The following RLF variants were observed in gnomAD, a reference collection of about 807,000 sequenced individuals.
RLF encodes the protein RLF zinc finger.
Under a neutral mutation model 162.9 loss-of-function variants are expected in RLF, and 7 were observed. The observed-to-expected ratio is 0.04, with a 90% confidence interval of 0.02 to 0.08. RLF has a LOEUF of 0.08. Among genes scored for constraint, RLF ranks in the 10% least tolerant of loss-of-function variants. RLF has a pLI of 1.00. For missense variants in RLF, 1,664 were observed against 2,244.7 expected, an observed-to-expected ratio of 0.74 and a Z score of 5.23; for synonymous variants, 782 against 791.5, an observed-to-expected ratio of 0.99 and a Z score of 0.20.
rs779862130 is a variant in RLF at position 40,238,577 on chromosome 1, G to A, written c.3875G>A (p.Arg1292Gln). Residue 1292 changes from arginine to glutamine, a missense_variant, in exon 8 of 8, where the codon CGA (arginine) becomes CAA (glutamine). This residue lies in a region of RLF where 33 missense variants were observed against 73.3 expected (regional missense o/e 0.45). Coordinates refer to ENST00000372771, the MANE Select transcript of RLF (RefSeq NM_012421.4). The surrounding 1 kb of genome is among the most constrained non-coding windows in gnomAD (Gnocchi z 5.2). ...GGAAGAGAGGGCAGAGGTAGCAGGC[G>A]AACTGTTGCTAAAGGAAATCTGTGT... is the stretch of plus-strand genomic sequence containing the variant. ...QEGREGRGSR[R>Q]TVAKGNLCYI... 1 of 1,613,718 alleles carries A rather than the reference G, an allele frequency of 6.2e-7. No homozygotes were observed. Among genetic ancestry groups the A allele is most frequent in the Non-Finnish European group, 8.5e-7 (1 of 1,180,006 alleles).
Position 40,173,703 on chromosome 1 carries a change from C to T in RLF, c.237+12067C>T, listed in dbSNP as rs1433409646. Among the ~76,000 whole-genome samples the T allele has an allele frequency of 4.6e-5, 7 of 151,770 alleles. 1 individual carries two copies. The highest frequency in any genetic ancestry group is 4.1e-4 in the South Asian group (2 of 4,820). ...TAATTTTTTGTATTTTTAGTAGAGACGAGGTTTTGCCATGTTGGCCAGGCT... is the reference window on the plus strand; with the variant it reads ...TAATTTTTTGTATTTTTAGTAGAGATGAGGTTTTGCCATGTTGGCCAGGCT... On this transcript the variant is annotated intron_variant, in intron 1 of 7. Transcript: ENST00000372771.
intron 3 of RLF, among the ~76,000 whole-genome samples, chr1:40,192,810 T>C (rs1642576750): frequency 6.6e-6 from 1 of 152,178 alleles, no homozygotes. Context: ...GGTAAGAGAA[T>C]AGTTTTTATC....
intron 6 of RLF, among the ~76,000 whole-genome samples, chr1:40,227,774 G>T (rs1186193087): frequency 6.6e-6 from 1 of 152,128 alleles, no homozygotes; most frequent in Non-Finnish European, 1.5e-5. Context: ...GGAGGCCAGG[G>T]CAGGTGGATC....
chr1:40,218,325 G>A (rs1036154293), intron 5 of RLF, among the ~76,000 whole-genome samples: 16 of 152,158 alleles, frequency 1.1e-4, no homozygotes, highest in African/African-American at 3.6e-4. Flanking sequence ...TTGACAAGTG[G>A]ACTGAATTTC....
intron 1 of RLF, among the ~76,000 whole-genome samples, chr1:40,179,455 C>T (rs1397866844): frequency 6.6e-6 from 1 of 152,034 alleles, no homozygotes; most frequent in Non-Finnish European, 1.5e-5. Context: ...ATCCTCCCTG[C>T]CCCCAGCCCC....
intron 1 of RLF, among the ~76,000 whole-genome samples, chr1:40,167,519 C>G (rs527607791): frequency 1.3e-5 from 2 of 152,218 alleles, no homozygotes; most frequent in Admixed American, 1.3e-4. Flanking sequence ...CTAGTGGTTT[C>G]TGTTTCTTCC....
intron 3 of RLF, among the ~76,000 whole-genome samples, chr1:40,194,554 C>T (rs1570534367): frequency 2.0e-5 from 3 of 151,022 alleles, no homozygotes; most frequent in South Asian, 2.1e-4. Flanking sequence ...GCAGGAGAAT[C>T]GCTTGAACCA....
At position 40,166,584 on chromosome 1, in the gene RLF, G is replaced by A. The variant is rs192977770; in HGVS notation, c.237+4948G>A. Among the ~76,000 whole-genome samples the A allele has an allele frequency of 3.1e-3, 469 of 152,090 alleles. 2 individuals carry two copies. Among genetic ancestry groups the A allele is most frequent in the Middle Eastern group, 6.8e-3 (2 of 294 alleles). ...GTTTATTGCAGCACTATTCACAATA[G>A]CAAAGACTTGGAACCAACCCAGATG... On this transcript the variant is annotated intron_variant, in intron 1 of 7. Transcript: ENST00000372771.
At chr1:40,169,955 G>T (rs2124524454) in intron 1 of RLF, among the ~76,000 whole-genome samples, 1 of 152,144 alleles carries the variant, frequency 6.6e-6, no homozygotes, top group South Asian at 2.1e-4. Context: ...CTCCCAAAGT[G>T]CTGGGATTAC....
Position 40,240,758 on chromosome 1 carries a change from A to T in RLF, c.*311A>T. 1 of 267,352 alleles carries T rather than the reference A, an allele frequency of 3.7e-6. No homozygotes were observed. Among genetic ancestry groups the T allele is most frequent in the Non-Finnish European group, 7.2e-6 (1 of 138,742 alleles). 16.6% of individuals were successfully genotyped at this position (267,352 alleles called of 1,614,324 possible). On this transcript the variant is annotated 3_prime_UTR_variant, in exon 8 of 8. Coordinates refer to ENST00000372771, the MANE Select transcript of RLF (RefSeq NM_012421.4). ...TCAAATTAAGTGTGCATGATTGTAT[A>T]TGGAACAAATACTAAGGTCCCAGGG... is the stretch of plus-strand genomic sequence containing the variant.
intron 5 of RLF, among the ~76,000 whole-genome samples, chr1:40,209,017 AC>A (rs1418839179): frequency 6.6e-6 from 1 of 152,114 alleles, no homozygotes; most frequent in African/African-American, 2.4e-5. Context: ...GTCACTGCCA[AC>A]CTTCTGGTTC....
chr1:40,237,436 C>T lies in RLF; in HGVS notation c.2734C>T (p.Leu912=). ...CTCTTCAGCTTCAATGAATGAAGAG[C>T]TAATTGACACACTAGATCACTCTGA... The part of the protein sequence containing the change: ...HSSSASMNEE[L]IDTLDHSETM... Residue 912 remains leucine (L), a synonymous_variant, in exon 8 of 8, where the codon CTA becomes TTA. Transcript: ENST00000372771. This position sits in a 1 kb window ranked among gnomAD's most constrained non-coding sequence, Gnocchi z 4.4. 1 of 1,613,912 alleles carries T rather than the reference C, an allele frequency of 6.2e-7. No individual in the cohort carries two copies. The highest frequency in any genetic ancestry group is 8.5e-7 in the Non-Finnish European group (1 of 1,179,946).
chr1:40,239,948 A>G lies in RLF; in HGVS notation c.5246A>G (p.Asn1749Ser), dbSNP rs780701100. The G allele has an allele frequency of 6.2e-6, 10 of 1,613,592 alleles. No homozygotes were observed. The Admixed American group carries it at 1.7e-4, about 27-fold the overall frequency. The change falls in exon 8 of 8, where the codon AAT becomes AGT. Residue 1749 changes from asparagine to serine, a missense_variant. Around this residue, in one of 15 missense-constraint regions of RLF, gnomAD observed 327 missense variants for 342.7 expected, o/e 0.95. Coordinates refer to ENST00000372771, the MANE Select transcript of RLF (RefSeq NM_012421.4). Reference protein sequence around the residue: ...VKNPTHVPKENFRKHSQPRSF... With the variant: ...VKNPTHVPKESFRKHSQPRSF... Reference sequence around the variant, plus strand: ...AATCCAACCCATGTCCCAAAAGAGAATTTTAGGAAACATTCACAGCCCCGG... The same window carrying G: ...AATCCAACCCATGTCCCAAAAGAGAGTTTTAGGAAACATTCACAGCCCCGG...
chr1:40,165,318 G>A lies in RLF; in HGVS notation c.237+3682G>A, dbSNP rs138677855. The stretch of plus-strand genomic sequence containing the variant: ...AACATGTGATTGCAGTTATTCCTGT[G>A]ATTAAAATTTTGTCTGTAAGTTTCC... On this transcript the variant is annotated intron_variant, in intron 1 of 7. Coordinates refer to ENST00000372771, the MANE Select transcript of RLF (RefSeq NM_012421.4). Among the ~76,000 whole-genome samples, 391 of 152,230 alleles carry A rather than the reference G, an allele frequency of 2.6e-3. 3 individuals carry two copies. The highest frequency in any genetic ancestry group is 1.6e-3 in the Non-Finnish European group (108 of 68,014).
At chr1:40,208,370 A>T (rs541158081) in intron 5 of RLF, among the ~76,000 whole-genome samples, 1 of 152,236 alleles carries the variant, frequency 6.6e-6, no homozygotes, top group Non-Finnish European at 1.5e-5. Context: ...TGATAAAGAA[A>T]TCAAAGGATA....
intron 6 of RLF, among the ~76,000 whole-genome samples, chr1:40,225,052 T>A (rs1643050477): frequency 1.3e-5 from 2 of 152,242 alleles, no homozygotes; most frequent in South Asian, 4.1e-4. Context: ...GAGATAGATC[T>A]TTTGTTATGC....
intron 3 of RLF, 66 bp from the exon 4 acceptor site, chr1:40,195,566 G>T: frequency 1.4e-6 from 2 of 1,389,888 alleles, no homozygotes; most frequent in Non-Finnish European, 2.0e-6. Context: ...TATCAGATAT[G>T]TTGAAAAGGC....
intron 1 of RLF, among the ~76,000 whole-genome samples, chr1:40,182,215 C>T (rs996116945): frequency 2.6e-5 from 4 of 152,056 alleles, no homozygotes; most frequent in African/African-American, 7.2e-5. Flanking sequence ...GAGCAGATCA[C>T]GAGGTCAAGA....
At position 40,165,045 on chromosome 1, in the gene RLF, A is replaced by G. The variant is rs149548770; in HGVS notation, c.237+3409A>G. On this transcript the variant is annotated intron_variant, in intron 1 of 7. Transcript: ENST00000372771. ...TTTCCTTAAACGTTAATTCTTTTGC[A>G]AATGGATAATAGTACTTAAGTTTTG... is the stretch of plus-strand genomic sequence containing the variant. Among the ~76,000 whole-genome samples the G allele has an allele frequency of 4.1e-3, 628 of 152,338 alleles. 6 individuals are homozygous for G. The highest frequency in any genetic ancestry group is 0.015 in the African/African-American group (610 of 41,590).
Sources: allele counts gnomAD v4.1 joint callset (sites outside exome capture counted in the v4.1 genomes callset), GRCh38; gene constraint gnomAD v4.1.1; regional missense constraint gnomAD v4.1.1; non-coding constraint Gnocchi (gnomAD v3.1); transcripts MANE v1.5; gene names NCBI Gene and HGNC (gene_info 2026-07-23, HGNC 2026-07-21).